The following KIRREL3 variants were observed in gnomAD, a reference collection of about 807,000 sequenced individuals.
The protein encoded by KIRREL3 is kirre like nephrin family adhesion molecule 3, also known as kin of IRRE-like protein 3.
Under a neutral mutation model 89.7 loss-of-function variants are expected in KIRREL3, and 36 were observed. That is an observed-to-expected ratio of 0.40 (90% CI 0.31 to 0.53). The LOEUF (loss-of-function observed/expected upper bound fraction) is 0.53. Ranked by LOEUF, KIRREL3 falls within the 20% of genes least tolerant of loss-of-function variation. The pLI is 0.49. For synonymous variants in KIRREL3, 445 were observed against 441.4 expected (o/e 1.01, Z -0.10); for missense variants, 864 against 1,056.6 (o/e 0.82, Z 2.53).
upstream of KIRREL3, among the ~76,000 whole-genome samples, chr11:127,001,892 GAGA>G (rs1950322344): frequency 6.6e-6 from 1 of 152,078 alleles, no homozygotes; most frequent in South Asian, 2.1e-4. Context: ...TATGCACTGT[GAGA>G]AGGAGAGGTA....
Position 126,424,321 on chromosome 11 carries a change from G to C in KIRREL3, c.*259C>G. The C allele has an allele frequency of 1.8e-6, 1 of 542,954 alleles. No homozygotes were observed. Among genetic ancestry groups the C allele is most frequent in the Admixed American group, 3.1e-5 (1 of 31,784 alleles). The allele number at this position is 542,954 out of a possible 1,614,324, so 33.6% of individuals were successfully genotyped here. ...GCCTCCAGGAAAGGGCCGGGGACAC[G>C]GGTGTCCAGCACTAAGCACAGCGCA... On this transcript the variant is annotated 3_prime_UTR_variant, in exon 17 of 17. Transcript: ENST00000525144.
At chr11:126,585,320 G>T (rs906031523) in intron 1 of KIRREL3, among the ~76,000 whole-genome samples, 8 of 139,182 alleles carry the variant, frequency 5.7e-5, no homozygotes. Flanking sequence ...TGCAACCTCT[G>T]CCTCCCTGAT....
rs111261781 is a variant in KIRREL3, at chr11:126,791,144, A to G, written c.55+209311T>C. On this transcript the variant is annotated intron_variant, in intron 1 of 16. Coordinates refer to ENST00000525144, the MANE Select transcript of KIRREL3 (RefSeq NM_032531.4). The surrounding 1 kb of genome is among the most constrained non-coding windows in gnomAD (Gnocchi z 4.8). Reference sequence around the variant, plus strand: ...CCATCTTTGGTAACAAAAGATCAGAAATTGCCTCCTGAGCGCTGCCTGGCT... The same window carrying G: ...CCATCTTTGGTAACAAAAGATCAGAGATTGCCTCCTGAGCGCTGCCTGGCT... Among the ~76,000 whole-genome samples the G allele has an allele frequency of 7.5e-3, 1,135 of 152,258 alleles. 14 individuals carry two copies. The highest frequency in any genetic ancestry group is 0.026 in the African/African-American group (1,077 of 41,548).
chr11:126,637,217 G>A (rs559178736), intron 1 of KIRREL3, among the ~76,000 whole-genome samples: 2 of 152,286 alleles, frequency 1.3e-5, no homozygotes, highest in South Asian at 4.2e-4. Flanking sequence ...CTTCCTCACT[G>A]GTATGCTGAG....
rs1951264123 is a variant in KIRREL3 at position 126,808,126 on chromosome 11, C to T, written c.55+192329G>A. Reference sequence around the variant, plus strand: ...CAGGCCAGCTGCAGGACTGCAGATACTGACCTGGGGTTGAGGAGCAATTGT... The same window carrying T: ...CAGGCCAGCTGCAGGACTGCAGATATTGACCTGGGGTTGAGGAGCAATTGT... On this transcript the variant is annotated intron_variant, in intron 1 of 16. Coordinates refer to ENST00000525144, the MANE Select transcript of KIRREL3 (RefSeq NM_032531.4). This position sits in a 1 kb window ranked among gnomAD's most constrained non-coding sequence, Gnocchi z 4.1. Among the ~76,000 whole-genome samples the T allele has an allele frequency of 6.6e-6, 1 of 152,190 alleles. No homozygotes were observed. Among genetic ancestry groups the T allele is most frequent in the Non-Finnish European group, 1.5e-5 (1 of 68,034 alleles).
rs912131705 is a variant in KIRREL3 at position 126,555,742 on chromosome 11, G to T, written c.133+7093C>A. 2.8e-5 allele frequency among the ~76,000 whole-genome samples: 2 copies of T among 70,750 alleles called. No individual in the cohort carries two copies. 46.4% of individuals were successfully genotyped at this position (70,750 alleles called of 152,430 possible). A position where few individuals can be genotyped will look rare whatever the true frequency, so the allele number is the denominator to read the frequency against. Reference sequence around the variant, plus strand: ...CTTGTAGAACATGCTAACAATGTGAGCATTTTTTTTTTTTTTGAGACGGAG... The same window carrying T: ...CTTGTAGAACATGCTAACAATGTGATCATTTTTTTTTTTTTTGAGACGGAG... On this transcript the variant is annotated intron_variant, in intron 2 of 16. Transcript: ENST00000525144. The surrounding 1 kb of genome is among the most constrained non-coding windows in gnomAD (Gnocchi z 4.2).
Position 126,429,315 on chromosome 11 carries a change from T to C in KIRREL3, c.1697-27A>G. 6.6e-7 allele frequency: 1 copy of C among 1,517,636 alleles called. No individual in the cohort carries two copies. Among genetic ancestry groups the C allele is most frequent in the Non-Finnish European group, 9.2e-7 (1 of 1,092,668 alleles). The allele number at this position is 1,517,636 out of a possible 1,614,324, so 94.0% of individuals were successfully genotyped here. On this transcript the variant is annotated intron_variant, in intron 14 of 16. Coordinates refer to ENST00000525144, the MANE Select transcript of KIRREL3 (RefSeq NM_032531.4). The surrounding 1 kb of genome is among the most constrained non-coding windows in gnomAD (Gnocchi z 5.2). ...TGGAGATAAAATAGTAAAGTGTAGA[T>C]GATAGATTTAGTTCTTACCTTTGAG...
chr11:126,451,499 T>C (rs1252739116), intron 7 of KIRREL3, among the ~76,000 whole-genome samples: 2 of 150,078 alleles, frequency 1.3e-5, no homozygotes, highest in East Asian at 4.0e-4. Context: ...TGTGTGTGCA[T>C]GTGTGAGTGT....
rs1957554751 is a variant in KIRREL3 at position 126,492,693 on chromosome 11, C to A, written c.434-19227G>T. Reference sequence around the variant, plus strand: ...CTCTGAAAGGGCCTTTTCTTCCAAGCAGTTCATGCCTCAGTGACTGTTAAT... The same window carrying A: ...CTCTGAAAGGGCCTTTTCTTCCAAGAAGTTCATGCCTCAGTGACTGTTAAT... On this transcript the variant is annotated intron_variant, in intron 4 of 16. Coordinates refer to ENST00000525144, the MANE Select transcript of KIRREL3 (RefSeq NM_032531.4). This position sits in a 1 kb window ranked among gnomAD's most constrained non-coding sequence, Gnocchi z 4.8. Among the ~76,000 whole-genome samples, 1 of 152,182 alleles carries A rather than the reference C, an allele frequency of 6.6e-6. No homozygotes were observed. Among genetic ancestry groups the A allele is most frequent in the African/African-American group, 2.4e-5 (1 of 41,448 alleles).
At chr11:126,841,760 T>C (rs568678142) in intron 1 of KIRREL3, among the ~76,000 whole-genome samples, 1 of 152,368 alleles carries the variant, frequency 6.6e-6, no homozygotes, top group South Asian at 2.1e-4. Flanking sequence ...AGTCAGTGTC[T>C]AGGCATCCGC....
intron 1 of KIRREL3, among the ~76,000 whole-genome samples, chr11:126,819,206 G>A (rs1421924237): frequency 6.6e-6 from 1 of 152,134 alleles, no homozygotes; most frequent in Non-Finnish European, 1.5e-5. Context: ...CTGAGGCGAC[G>A]GTCCGGTCAG....
intron 1 of KIRREL3, among the ~76,000 whole-genome samples, chr11:126,840,223 T>C (rs1943918142): frequency 6.6e-6 from 1 of 152,192 alleles, no homozygotes; most frequent in South Asian, 2.1e-4. Flanking sequence ...ATTTCAACTC[T>C]AGAACCTAAG....
Position 126,954,474 on chromosome 11 carries a change from C to T in KIRREL3, c.55+45981G>A, listed in dbSNP as rs553018360. 6.6e-6 allele frequency among the ~76,000 whole-genome samples: 1 copy of T among 152,228 alleles called. No homozygotes were observed. The highest frequency in any genetic ancestry group is 2.1e-4 in the South Asian group (1 of 4,822). On this transcript the variant is annotated intron_variant, in intron 1 of 16. Transcript: ENST00000525144. This position sits in a 1 kb window ranked among gnomAD's most constrained non-coding sequence, Gnocchi z 4.1. ...GCCCTCAGAAATGCTTAATTATGCC[C>T]TGCCTTTCTTGTTCCTCCTGTCTAT...
intron 1 of KIRREL3, among the ~76,000 whole-genome samples, chr11:126,930,958 G>A (rs929124564): frequency 7.2e-5 from 11 of 152,176 alleles, no homozygotes; most frequent in Non-Finnish European, 1.3e-4. Context: ...CTATGGCACA[G>A]TCATTTTTCT....
At chr11:126,586,824 C>G (rs556740873) in intron 1 of KIRREL3, among the ~76,000 whole-genome samples, 49 of 152,166 alleles carry the variant, frequency 3.2e-4, no homozygotes, top group African/African-American at 1.1e-3. Context: ...GCTGGGGCCT[C>G]CTTGGTAACC....
intron 1 of KIRREL3, among the ~76,000 whole-genome samples, chr11:126,718,797 T>A (rs1336586457): frequency 6.6e-6 from 1 of 152,108 alleles, no homozygotes; most frequent in South Asian, 2.1e-4. Flanking sequence ...CGGCTAGGGA[T>A]TAGGGTCACA....
intron 1 of KIRREL3, among the ~76,000 whole-genome samples, chr11:126,649,901 C>T (rs552944339): frequency 6.6e-6 from 1 of 152,326 alleles, no homozygotes; most frequent in African/African-American, 2.4e-5. Flanking sequence ...ATGAGGTTCC[C>T]ACCCCTGCAG....
chr11:126,910,470 G>A (rs538770536), intron 1 of KIRREL3, among the ~76,000 whole-genome samples: 1 of 152,288 alleles, frequency 6.6e-6, no homozygotes, highest in African/African-American at 2.4e-5. Context: ...TGAGGACAAA[G>A]GTCAGACTCA....
rs1040879172 is a variant in KIRREL3, at chr11:126,623,543, T to C, written c.56-60631A>G. Among the ~76,000 whole-genome samples, 8 of 152,094 alleles carry C rather than the reference T, an allele frequency of 5.3e-5. No individual in the cohort carries two copies. Among genetic ancestry groups the C allele is most frequent in the African/African-American group, 1.7e-4 (7 of 41,400 alleles). Reference sequence around the variant, plus strand: ...ATGATCAGAAAAACGTCTGTGTGAATCTTGCATGATGGAAGAGGAAACCAG... The same window carrying C: ...ATGATCAGAAAAACGTCTGTGTGAACCTTGCATGATGGAAGAGGAAACCAG... On this transcript the variant is annotated intron_variant, in intron 1 of 16. Coordinates refer to ENST00000525144, the MANE Select transcript of KIRREL3 (RefSeq NM_032531.4). This position sits in a 1 kb window ranked among gnomAD's most constrained non-coding sequence, Gnocchi z 4.1.
Sources: gnomAD v4.1 joint callset for allele counts (sites outside exome capture counted in the v4.1 genomes callset) on GRCh38, gnomAD v4.1.1 for gene constraint, Gnocchi (gnomAD v3.1) non-coding constraint, MANE v1.5 for transcripts, NCBI Gene and HGNC (gene_info 2026-07-23, HGNC 2026-07-21) for gene names.